The following BRD4 variants were observed in gnomAD, a reference collection of about 807,000 sequenced individuals.
BRD4 encodes bromodomain containing 4.
Under a neutral mutation model 142.1 loss-of-function variants are expected in BRD4, and 16 were observed. The observed-to-expected ratio is 0.11, with a 90% CI of 0.08 to 0.17. The LOEUF (loss-of-function observed/expected upper bound fraction) is 0.17, where lower values mean the gene tolerates loss of function less well. Ranked by LOEUF, BRD4 falls within the 10% of genes least tolerant of loss-of-function variation. BRD4 has a pLI of 1.00. For synonymous variants in BRD4, 833 were observed against 707.5 expected, an observed-to-expected ratio of 1.18 and a Z score of -2.82; for missense variants, 1,424 against 1,810.9, an observed-to-expected ratio of 0.79 and a Z score of 3.88.
intron 1 of BRD4, among the ~76,000 whole-genome samples, chr19:15,290,792 C>T (rs2047776133): frequency 6.6e-6 from 1 of 152,146 alleles, no homozygotes; most frequent in Admixed American, 6.5e-5. Flanking sequence ...AGTGTACCCC[C>T]TCTTCCCTCA....
intron 1 of BRD4, among the ~76,000 whole-genome samples, chr19:15,324,457 G>A (rs1222443949): frequency 2.0e-5 from 3 of 152,174 alleles, no homozygotes; most frequent in Non-Finnish European, 4.4e-5. Context: ...GCCCAAAGTC[G>A]ATCGGCAGTA....
chr19:15,330,852 T>C (rs2048150639), intron 1 of BRD4, among the ~76,000 whole-genome samples: 1 of 152,208 alleles, frequency 6.6e-6, no homozygotes, highest in Non-Finnish European at 1.5e-5. Flanking sequence ...TCATAAATCC[T>C]TTTGAGTATC....
chr19:15,283,314 GC>G lies in BRD4; in HGVS notation c.-34-10182del, dbSNP rs576153930. On this transcript the variant is annotated intron_variant, in intron 1 of 19. Transcript: ENST00000679869. The stretch of plus-strand genomic sequence containing the variant: ...TCAGCTGATAATACACTCCTGGGCT[GC>G]CCCTGGTGTCAATCAGAAAATTTCT... 6.0e-3 allele frequency among the ~76,000 whole-genome samples: 918 copies of G among 152,302 alleles called. 1 individual carries two copies. Among genetic ancestry groups the G allele is most frequent in the Non-Finnish European group, 8.0e-3 (542 of 68,028 alleles).
chr19:15,255,973 A>G lies in BRD4; in HGVS notation c.1751+91T>C, dbSNP rs555583909. On this transcript the variant is annotated intron_variant, in intron 9 of 19. Coordinates refer to ENST00000679869, the MANE Select transcript of BRD4 (RefSeq NM_001379291.1). ...TGCAGAGGGGCAGCCTCCGCACCCA[A>G]TGAGGACAGGGAGGGGCAGTGGCCC... 283 of 1,531,076 alleles carry G rather than the reference A, an allele frequency of 1.8e-4. No individual in the cohort carries two copies. The African/African-American group carries it at 2.2e-3, about 12-fold the overall frequency. 94.8% of individuals were successfully genotyped at this position (1,531,076 alleles called of 1,614,324 possible).
rs2047203854 is a variant in BRD4 at position 15,237,626 on chromosome 19, AAAAAG to A, written c.*746_*750del. ...ATTCAACAAAAAATATATATAGAAA[AAAAAG>A]AAAAAAAAAAACGAAACAGAAACAC... On this transcript the variant is annotated 3_prime_UTR_variant, in exon 20 of 20. Coordinates refer to ENST00000679869, the MANE Select transcript of BRD4 (RefSeq NM_001379291.1). 1 of 230,678 alleles carries A rather than the reference AAAAAG, an allele frequency of 4.3e-6. No homozygotes were observed. The highest frequency in any genetic ancestry group is 2.2e-5 in the African/African-American group (1 of 45,126). The allele number at this position is 230,678 out of a possible 1,614,324, so 14.3% of individuals were successfully genotyped here.
rs760087739 is a variant in BRD4 at position 15,256,314 on chromosome 19, G to A, written c.1552-51C>T. 4 of 1,584,726 alleles carry A rather than the reference G, an allele frequency of 2.5e-6. No individual in the cohort carries two copies. In the African/African-American group the frequency reaches 4.1e-5, roughly 16 times the overall value. On this transcript the variant is annotated intron_variant, in intron 8 of 19. Coordinates refer to ENST00000679869, the MANE Select transcript of BRD4 (RefSeq NM_001379291.1). ...CACTCAGGGCTGAAACCACCTTCCT[G>A]TCACCCAAGACCCAGGCGTCTGCTC...
rs768588113 is a variant in BRD4, at chr19:15,272,833, G to A, written c.267C>T (p.Ala89=). 9 of 1,613,908 alleles carry A rather than the reference G, an allele frequency of 5.6e-6. No individual in the cohort carries two copies. In the Middle Eastern group the frequency reaches 5.0e-4, roughly 89 times the overall value. ...FAWPFQQPVD[A]VKLNLPDYYK... ...TACTCACAGGGAGGTTCAGCTTGAC[G>A]GCATCCACAGGCTGCTGGAAAGGCC... The change falls in exon 2 of 20, where the codon GCC becomes GCT. Residue 89 remains alanine (A), a synonymous_variant. Coordinates refer to ENST00000679869, the MANE Select transcript of BRD4 (RefSeq NM_001379291.1).
chr19:15,308,550 G>A (rs1487608771), intron 1 of BRD4, among the ~76,000 whole-genome samples: 1 of 150,796 alleles, frequency 6.6e-6, no homozygotes, highest in African/African-American at 2.4e-5. Flanking sequence ...TTGCGCCACT[G>A]CACTCCCGCC....
At chr19:15,249,065 C>T (rs916905433) in intron 11 of BRD4, 22 of 672,078 alleles carry the variant, frequency 3.3e-5, no homozygotes, top group Admixed American at 2.5e-4. Context: ...GAGGCCTGGG[C>T]GGCTGGCCAG....
intron 14 of BRD4, 103 bp downstream of exon 14, chr19:15,242,797 C>G (rs2047248691): frequency 6.6e-7 from 1 of 1,510,810 alleles, no homozygotes; most frequent in African/African-American, 1.4e-5. Context: ...CAGCTCTGAA[C>G]CCACTGCAGC....
chr19:15,251,637 G>C (rs112224181), intron 11 of BRD4, among the ~76,000 whole-genome samples: 1 of 152,034 alleles, frequency 6.6e-6, no homozygotes, highest in Non-Finnish European at 1.5e-5. Flanking sequence ...TCTGCCCCCC[G>C]CCCTGAGAGT....
Position 15,255,767 on chromosome 19 carries a change from C to T in BRD4, c.1752-175G>A, listed in dbSNP as rs532948463. Reference sequence around the variant, plus strand: ...ATCTCTGGGAGCACCCAGTGGAGACCGAAGCAAACTGTGACTGGAGGCTGC... The same window carrying T: ...ATCTCTGGGAGCACCCAGTGGAGACTGAAGCAAACTGTGACTGGAGGCTGC... On this transcript the variant is annotated intron_variant, in intron 9 of 19. Transcript: ENST00000679869. Among the ~76,000 whole-genome samples the T allele has an allele frequency of 1.7e-4, 26 of 152,314 alleles. No homozygotes were observed. The Middle Eastern group carries it at 0.014, about 80-fold the overall frequency.
At position 15,302,708 on chromosome 19, in the gene BRD4, A is replaced by G. The variant is rs2047880520; in HGVS notation, c.-34-29575T>C. Among the ~76,000 whole-genome samples the G allele has an allele frequency of 2.0e-5, 3 of 150,516 alleles. No homozygotes were observed. The South Asian group carries it at 6.3e-4, about 31-fold the overall frequency. On this transcript the variant is annotated intron_variant, in intron 1 of 19. Coordinates refer to ENST00000679869, the MANE Select transcript of BRD4 (RefSeq NM_001379291.1). ...AAAAAAAAAAAAGGATTAAAAAATT[A>G]AAAAGTGCTTTTCTGGGCCGGGCGC...
chr19:15,323,935 C>A (rs947261968), intron 1 of BRD4, among the ~76,000 whole-genome samples: 1 of 152,338 alleles, frequency 6.6e-6, no homozygotes, highest in East Asian at 1.9e-4. Context: ...CAGGTCAGTA[C>A]CCACATGGTC....
rs1448058231 is a variant in BRD4 at position 15,237,502 on chromosome 19, G to C, written c.*875C>G. 2 of 226,532 alleles carry C rather than the reference G, an allele frequency of 8.8e-6. No homozygotes were observed. The highest frequency in any genetic ancestry group is 3.6e-4 in the South Asian group (2 of 5,484). 14.0% of individuals were successfully genotyped at this position (226,532 alleles called of 1,614,324 possible). On this transcript the variant is annotated 3_prime_UTR_variant, in exon 20 of 20. Transcript: ENST00000679869. ...CACGGTCACACACTACCCACAGCGC[G>C]GTGGCAGCCGCTGCTCAATGAGGAG...
rs1206862326 is a variant in BRD4 at position 15,236,442 on chromosome 19, AAGG to A, written c.*1932_*1934del. 7 of 148,968 alleles carry A rather than the reference AAGG, an allele frequency of 4.7e-5. No homozygotes were observed. Among genetic ancestry groups the A allele is most frequent in the Non-Finnish European group, 8.9e-5 (6 of 67,216 alleles). 9.2% of individuals were successfully genotyped at this position (148,968 alleles called of 1,614,324 possible). On this transcript the variant is annotated 3_prime_UTR_variant, in exon 20 of 20. Coordinates refer to ENST00000679869, the MANE Select transcript of BRD4 (RefSeq NM_001379291.1). ...TCTGGTTAACCCTGAGCTTAAATGAAAGGAGGAGTTAGGTTGAGGCAGGCAAGG... is the reference window on the plus strand; with the variant it reads ...TCTGGTTAACCCTGAGCTTAAATGAAAGGAGTTAGGTTGAGGCAGGCAAGG...
chr19:15,240,092 A>G (rs1599430192), intron 14 of BRD4, 70 bp from the exon 15 acceptor site: 1 of 1,531,952 alleles, frequency 6.5e-7, no homozygotes, highest in Non-Finnish European at 8.8e-7. Flanking sequence ...AATTGTCGGG[A>G]AGGAAAACGT....
chr19:15,282,071 A>G (rs1377930205), intron 1 of BRD4, among the ~76,000 whole-genome samples: 1 of 152,226 alleles, frequency 6.6e-6, no homozygotes, highest in Non-Finnish European at 1.5e-5. Flanking sequence ...AATGTATTCC[A>G]GCAGGGGCAG....
At chr19:15,300,848 G>T (rs781050155) in intron 1 of BRD4, among the ~76,000 whole-genome samples, 3 of 152,130 alleles carry the variant, frequency 2.0e-5, no homozygotes, top group Non-Finnish European at 4.4e-5. Flanking sequence ...GAAAAATGAT[G>T]CAACCCTCCA....
Sources: gnomAD v4.1 joint callset for allele counts (sites outside exome capture counted in the v4.1 genomes callset) on GRCh38, gnomAD v4.1.1 for gene constraint, MANE v1.5 for transcripts, NCBI Gene and HGNC (gene_info 2026-07-23, HGNC 2026-07-21) for gene names.